Variants in CD96 observed in about 807,000 individuals in gnomAD.
The protein encoded by CD96 is T-cell surface protein tactile.
In CD96, 70 loss-of-function variants were observed where a neutral mutation model predicts 71.3. That is an observed-to-expected ratio of 0.98 (90% CI 0.81 to 1.20). The LOEUF is 1.20. Ranked by LOEUF, CD96 falls within the 50% of genes most tolerant of loss-of-function variation. The pLI is 0.00. For missense variants in CD96, 742 were observed against 677.5 expected (o/e 1.10, Z -1.06); for synonymous variants, 248 against 233.0 (o/e 1.06, Z -0.59).
chr3:111,606,491 C>T (rs1207800724), intron 7 of CD96, among the ~76,000 whole-genome samples: 5 of 152,144 alleles, frequency 3.3e-5, no homozygotes, highest in African/African-American at 1.2e-4. Context: ...TGCTTGGCTG[C>T]CTAGTTTCCA....
intron 10 of CD96, among the ~76,000 whole-genome samples, chr3:111,636,240 C>T (rs1939322953): frequency 6.6e-6 from 1 of 152,144 alleles, no homozygotes; most frequent in African/African-American, 2.4e-5. Flanking sequence ...TTCTGGAGGG[C>T]CTGATCACAC....
chr3:111,638,821 G>A (rs949159731), intron 12 of CD96, among the ~76,000 whole-genome samples: 2 of 152,156 alleles, frequency 1.3e-5, no homozygotes, highest in African/African-American at 2.4e-5. Flanking sequence ...ACACGTCGTG[G>A]CAATAAAGCT....
intron 2 of CD96, among the ~76,000 whole-genome samples, chr3:111,555,767 C>A (rs572604944): frequency 8.1e-4 from 123 of 152,356 alleles, no homozygotes; most frequent in Middle Eastern, 3.4e-3. Flanking sequence ...TGTTAAAGTT[C>A]TTGGATGTGT....
chr3:111,654,035 G>C (rs934894674), downstream of CD96, among the ~76,000 whole-genome samples: 5 of 152,192 alleles, frequency 3.3e-5, no homozygotes, highest in Admixed American at 6.5e-5. Flanking sequence ...GCTCTGAACA[G>C]GGGAAGAGGT....
chr3:111,630,359 G>T (rs565998063), intron 10 of CD96, among the ~76,000 whole-genome samples: 1 of 151,936 alleles, frequency 6.6e-6, no homozygotes, highest in Non-Finnish European at 1.5e-5. Context: ...ACAAACAATC[G>T]TTAGAGAAAA....
intron 5 of CD96, chr3:111,593,944 G>T (rs776746797): frequency 2.6e-5 from 42 of 1,613,818 alleles, no homozygotes; most frequent in Non-Finnish European, 3.4e-5. Flanking sequence ...CAGGGCCACG[G>T]CTCACCTGCC....
At chr3:111,582,340 CT>C (rs1936505897) in intron 4 of CD96, among the ~76,000 whole-genome samples, 1 of 152,198 alleles carries the variant, frequency 6.6e-6, no homozygotes, top group African/African-American at 2.4e-5. Flanking sequence ...CTTGAAGCCA[CT>C]TCTGTTCAAC....
rs1439098111 is a variant in CD96 at position 111,579,013 on chromosome 3, A to G, written c.544-14A>G. The G allele has an allele frequency of 2.7e-6, 4 of 1,483,944 alleles. No homozygotes were observed. The allele number at this position is 1,483,944 out of a possible 1,614,324, so 91.9% of individuals were successfully genotyped here. On this transcript the variant is annotated splice_polypyrimidine_tract_variant and intron_variant, in intron 3 of 13. Coordinates refer to ENST00000352690, the MANE Select transcript of CD96 (RefSeq NM_005816.5). Reference sequence around the variant, plus strand: ...GTTGAGGACTCAATAACTGGTAACAATTTTTCTCACCAGGAGGATAATGGA... The same window carrying G: ...GTTGAGGACTCAATAACTGGTAACAGTTTTTCTCACCAGGAGGATAATGGA...
At chr3:111,570,966 G>A in intron 3 of CD96, 1 of 1,541,228 alleles carries the variant, frequency 6.5e-7, no homozygotes, top group African/African-American at 1.4e-5. Context: ...GTGCTCTGAG[G>A]CCACCAGAGT....
chr3:111,549,973 A>T (rs1934612771), intron 2 of CD96, among the ~76,000 whole-genome samples: 2 of 152,276 alleles, frequency 1.3e-5, no homozygotes, highest in Admixed American at 1.3e-4. Flanking sequence ...GGAGTGAAAG[A>T]AATCCTCTAG....
At position 111,560,203 on chromosome 3, in the gene CD96, T is replaced by C. The variant is rs1315142823; in HGVS notation, c.419-7320T>C. Among the ~76,000 whole-genome samples, 4 of 152,124 alleles carry C rather than the reference T, an allele frequency of 2.6e-5. No homozygotes were observed. In the East Asian group the frequency reaches 7.7e-4, roughly 29 times the overall value. On this transcript the variant is annotated intron_variant, in intron 2 of 13. Coordinates refer to ENST00000352690, the MANE Select transcript of CD96 (RefSeq NM_005816.5). ...TCTTTTAATTGGAGAATTTAGTCCA[T>C]TTACATTTAAAGTTAATAGTGTTAT...
intron 3 of CD96, among the ~76,000 whole-genome samples, chr3:111,575,243 C>A (rs572865451): frequency 6.6e-6 from 1 of 152,268 alleles, no homozygotes; most frequent in East Asian, 1.9e-4. Context: ...GCTATGAGAC[C>A]TAAGGGCTGG....
chr3:111,599,214 C>T (rs931284725), intron 6 of CD96, among the ~76,000 whole-genome samples: 22 of 152,008 alleles, frequency 1.4e-4, no homozygotes, highest in African/African-American at 4.4e-4. Context: ...GTGATCCGCC[C>T]GCCTCAGCCT....
In CD96 at chr3:111,649,841, T is replaced by A; in HGVS notation, c.*35T>A. The A allele has an allele frequency of 7.9e-7, 1 of 1,257,916 alleles. No individual in the cohort carries two copies. Among genetic ancestry groups the A allele is most frequent in the Non-Finnish European group, 1.2e-6 (1 of 854,878 alleles). The allele number at this position is 1,257,916 out of a possible 1,614,324, so 77.9% of individuals were successfully genotyped here. A position where few individuals can be genotyped will look rare whatever the true frequency, so the allele number is the denominator to read the frequency against. On this transcript the variant is annotated 3_prime_UTR_variant, in exon 14 of 14. Coordinates refer to ENST00000352690, the MANE Select transcript of CD96 (RefSeq NM_005816.5). ...ACTTTGCCCCATGGCAGAACTCTGC[T>A]GGAATCCTATTGAGAAGGTAGACAT... is the stretch of plus-strand genomic sequence containing the variant.
rs1940022284 is a variant in CD96, at chr3:111,650,396, A to T, written c.*590A>T. The T allele has an allele frequency of 6.1e-6, 1 of 163,342 alleles. No homozygotes were observed. The highest frequency in any genetic ancestry group is 1.4e-5 in the Non-Finnish European group (1 of 73,742). 10.1% of individuals were successfully genotyped at this position (163,342 alleles called of 1,614,324 possible). A position where few individuals can be genotyped will look rare whatever the true frequency, so the allele number is the denominator to read the frequency against. ...TTCAATCCTCCTTCACTGTCTTCCT[A>T]CCATGTTCAGCCCAGACTCCTGCCA... On this transcript the variant is annotated 3_prime_UTR_variant, in exon 14 of 14. Coordinates refer to ENST00000352690, the MANE Select transcript of CD96 (RefSeq NM_005816.5).
intron 14 of CD96, among the ~76,000 whole-genome samples, chr3:111,664,003 G>A (rs1940421399): frequency 6.6e-6 from 1 of 152,246 alleles, no homozygotes; most frequent in South Asian, 2.1e-4. Context: ...TCCTGCCTCA[G>A]CCTCCCAAAG....
rs551720186 is a variant in CD96, at chr3:111,614,777, G to A, written c.1180+7985G>A. ...ATGGACTCCTAATGCAGCCTCTCCA[G>A]CCTGAGTAAGGCACCATGCCCCTTT... On this transcript the variant is annotated intron_variant, in intron 8 of 13. Coordinates refer to ENST00000352690, the MANE Select transcript of CD96 (RefSeq NM_005816.5). 9.2e-5 allele frequency among the ~76,000 whole-genome samples: 14 copies of A among 152,276 alleles called. No individual in the cohort carries two copies. In the East Asian group the frequency reaches 2.7e-3, roughly 29 times the overall value.
At chr3:111,658,038 C>T (rs539367941) in intron 14 of CD96, among the ~76,000 whole-genome samples, 6 of 152,272 alleles carry the variant, frequency 3.9e-5, no homozygotes, top group East Asian at 3.9e-4. Flanking sequence ...ACCTAGCATC[C>T]GCATCTTGGT....
At chr3:111,665,332 A>T (rs1219869597) in intron 14 of CD96, among the ~76,000 whole-genome samples, 1 of 152,128 alleles carries the variant, frequency 6.6e-6, no homozygotes, top group Non-Finnish European at 1.5e-5. Flanking sequence ...ACTCAAAACT[A>T]CCCTATTTTT....
Sources: gnomAD v4.1 joint callset for allele counts (sites outside exome capture counted in the v4.1 genomes callset) on GRCh38, gnomAD v4.1.1 for gene constraint, MANE v1.5 for transcripts, NCBI Gene and HGNC (gene_info 2026-07-23, HGNC 2026-07-21) for gene names.